Variants in MAML2 observed in about 807,000 individuals in gnomAD.
MAML2 encodes the protein mastermind-like protein 2.
A neutral mutation model predicts 96.1 loss-of-function variants in MAML2; 22 were observed. That is an observed-to-expected ratio of 0.23 (90% CI 0.16 to 0.33). MAML2 has a LOEUF of 0.33. Ranked by LOEUF, MAML2 falls within the 10% of genes least tolerant of loss-of-function variation. The pLI, the probability that MAML2 is intolerant of heterozygous loss-of-function variation, is 1.00. For synonymous variants in MAML2, 561 were observed against 521.3 expected (o/e 1.08, Z -1.04); for missense variants, 1,367 against 1,392.4 (o/e 0.98, Z 0.29).
chr11:96,302,287 TA>T (rs1414643784), intron 1 of MAML2, among the ~76,000 whole-genome samples: 3 of 152,224 alleles, frequency 2.0e-5, no homozygotes, highest in African/African-American at 7.2e-5. Flanking sequence ...ATTCATTGAT[TA>T]TAAAGGCATA....
chr11:96,254,201 C>T (rs993255103), intron 1 of MAML2, among the ~76,000 whole-genome samples: 1 of 152,126 alleles, frequency 6.6e-6, no homozygotes, highest in Non-Finnish European at 1.5e-5. Context: ...TTCTACCAGA[C>T]CTATGCAAAT....
At chr11:96,231,651 T>G (rs950898429) in intron 1 of MAML2, among the ~76,000 whole-genome samples, 1 of 152,204 alleles carries the variant, frequency 6.6e-6, no homozygotes, top group Admixed American at 6.5e-5. Flanking sequence ...AAAACAAATG[T>G]ATGAGTTGGA....
chr11:96,257,011 T>C (rs548298732), intron 1 of MAML2, among the ~76,000 whole-genome samples: 95 of 152,304 alleles, frequency 6.2e-4, no homozygotes, highest in Non-Finnish European at 1.0e-3. Flanking sequence ...AGGAACTATA[T>C]TGAAAACAGG....
intron 1 of MAML2, among the ~76,000 whole-genome samples, chr11:96,306,684 T>TA (rs1037488807): frequency 9.9e-5 from 15 of 152,242 alleles, no homozygotes; most frequent in Admixed American, 7.8e-4. Flanking sequence ...TTCCCAAACT[T>TA]ACACTATTTT....
Position 96,341,989 on chromosome 11 carries a change from G to A in MAML2, c.-94C>T, listed in dbSNP as rs1000028235. ...GGCAAGTCTGTTTTTGACAATGTGA[G>A]CTCAGTGTTCAGGGCCACATGAATA... On this transcript the variant is annotated 5_prime_UTR_variant, in exon 1 of 5. Coordinates refer to ENST00000524717, the MANE Select transcript of MAML2 (RefSeq NM_032427.4). 7 of 1,291,380 alleles carry A rather than the reference G, an allele frequency of 5.4e-6. No homozygotes were observed. Among genetic ancestry groups the A allele is most frequent in the Admixed American group, 2.8e-5 (1 of 35,692 alleles). The allele number at this position is 1,291,380 out of a possible 1,614,324, so 80.0% of individuals were successfully genotyped here.
chr11:96,008,566 A>C (rs926457413), intron 2 of MAML2, among the ~76,000 whole-genome samples: 5 of 152,234 alleles, frequency 3.3e-5, no homozygotes, highest in Non-Finnish European at 7.3e-5. Flanking sequence ...AATTTGAGCC[A>C]ATTAGATCCT....
intron 1 of MAML2, among the ~76,000 whole-genome samples, chr11:96,177,252 C>A (rs1195233486): frequency 6.6e-6 from 1 of 152,190 alleles, no homozygotes; most frequent in Non-Finnish European, 1.5e-5. Flanking sequence ...GATTATGAAT[C>A]ATTACCTGTA....
chr11:96,257,252 T>C (rs1862680898), intron 1 of MAML2, among the ~76,000 whole-genome samples: 1 of 152,232 alleles, frequency 6.6e-6, no homozygotes, highest in Admixed American at 6.5e-5. Flanking sequence ...GCATCATCTT[T>C]TTAAAATCAC....
At chr11:96,135,459 C>T (rs1354921356) in intron 1 of MAML2, among the ~76,000 whole-genome samples, 3 of 151,564 alleles carry the variant, frequency 2.0e-5, no homozygotes, top group Non-Finnish European at 4.4e-5. Context: ...TACACTTTTA[C>T]AGAGGAAGAA....
chr11:96,189,176 C>T lies in MAML2; in HGVS notation c.514-95659G>A, dbSNP rs116921772. Among the ~76,000 whole-genome samples, 443 of 151,840 alleles carry T rather than the reference C, an allele frequency of 2.9e-3. 2 individuals are homozygous for T. Among genetic ancestry groups the T allele is most frequent in the Non-Finnish European group, 4.9e-3 (330 of 67,958 alleles). On this transcript the variant is annotated intron_variant, in intron 1 of 4. Coordinates refer to ENST00000524717, the MANE Select transcript of MAML2 (RefSeq NM_032427.4). The stretch of plus-strand genomic sequence containing the variant: ...ACAAGAGGTGATTTGCCTCTTGGTG[C>T]CTTGAGGTATGATTTGATGAGAGTT...
intron 1 of MAML2, among the ~76,000 whole-genome samples, chr11:96,159,579 C>G (rs989408312): frequency 6.6e-6 from 1 of 151,982 alleles, no homozygotes; most frequent in Non-Finnish European, 1.5e-5. Flanking sequence ...GCGCCCGCCA[C>G]CATGCCCAGC....
chr11:96,102,599 A>T (rs1859954497), intron 1 of MAML2, among the ~76,000 whole-genome samples: 1 of 152,160 alleles, frequency 6.6e-6, no homozygotes. Context: ...CAACAAGGGG[A>T]TGTTTATATT....
intron 1 of MAML2, among the ~76,000 whole-genome samples, chr11:96,117,163 TA>T (rs981828994): frequency 6.6e-6 from 1 of 151,032 alleles, no homozygotes; most frequent in Non-Finnish European, 1.5e-5. Flanking sequence ...AGAAAGGAAA[TA>T]AAAAAAATAT....
At chr11:96,187,630 G>C (rs1212721924) in intron 1 of MAML2, among the ~76,000 whole-genome samples, 1 of 151,968 alleles carries the variant, frequency 6.6e-6, no homozygotes, top group Non-Finnish European at 1.5e-5. Context: ...AACATCTCTA[G>C]TAAAAATACA....
chr11:96,270,872 G>C (rs548059425), intron 1 of MAML2, among the ~76,000 whole-genome samples: 1 of 152,144 alleles, frequency 6.6e-6, no homozygotes, highest in Non-Finnish European at 1.5e-5. Context: ...TCAGTGGATC[G>C]GGAAAGGCAG....
At chr11:96,066,561 A>C (rs1859248494) in intron 2 of MAML2, among the ~76,000 whole-genome samples, 1 of 152,242 alleles carries the variant, frequency 6.6e-6, no homozygotes, top group Non-Finnish European at 1.5e-5. Flanking sequence ...TCCTTGGATA[A>C]GAGTTTAGAC....
At chr11:96,272,391 A>G (rs1320275656) in intron 1 of MAML2, among the ~76,000 whole-genome samples, 1 of 152,226 alleles carries the variant, frequency 6.6e-6, no homozygotes, top group Admixed American at 6.5e-5. Flanking sequence ...GGCTTCTGTG[A>G]TCTCACAAGA....
At chr11:96,190,478 G>A (rs911905869) in intron 1 of MAML2, among the ~76,000 whole-genome samples, 4 of 152,194 alleles carry the variant, frequency 2.6e-5, no homozygotes, top group Admixed American at 6.5e-5. Context: ...ATGAAAGAAT[G>A]ACAAACCACA....
chr11:96,037,891 G>C (rs1222194510), intron 2 of MAML2, among the ~76,000 whole-genome samples: 3 of 152,150 alleles, frequency 2.0e-5, no homozygotes, highest in African/African-American at 7.2e-5. Flanking sequence ...TACCCCAAGA[G>C]ATGGCTTGGC....
Sources: allele counts gnomAD v4.1 joint callset (sites outside exome capture counted in the v4.1 genomes callset), GRCh38; gene constraint gnomAD v4.1.1; transcripts MANE v1.5; gene names NCBI Gene and HGNC (gene_info 2026-07-23, HGNC 2026-07-21).